The following EPHX2 variants were observed in gnomAD, a reference collection of about 807,000 sequenced individuals.
EPHX2 encodes the protein bifunctional epoxide hydrolase 2.
A neutral mutation model predicts 78.7 loss-of-function variants in EPHX2; 74 were observed. The observed-to-expected ratio is 0.94, with a 90% CI of 0.78 to 1.14. The LOEUF (loss-of-function observed/expected upper bound fraction) is 1.14. EPHX2 is among the 50% of genes most tolerant of loss of function. The pLI, the probability that EPHX2 is intolerant of heterozygous loss-of-function variation, is 0.00. For missense variants in EPHX2, 715 were observed against 702.5 expected (o/e 1.02, Z -0.20); for synonymous variants, 251 against 255.2 (o/e 0.98, Z 0.16).
chr8:27,543,625 G>C, intron 16 of EPHX2, 124 bp from the exon 17 acceptor site: 1 of 896,382 alleles, frequency 1.1e-6, no homozygotes, highest in Non-Finnish European at 1.8e-6. Flanking sequence ...CGAGTCTGTT[G>C]TGCAAAGTTC....
chr8:27,535,426 C>T (rs1265975992), intron 12 of EPHX2, among the ~76,000 whole-genome samples: 2 of 152,204 alleles, frequency 1.3e-5, no homozygotes, highest in East Asian at 1.9e-4. Flanking sequence ...CTGCCTGCCT[C>T]GGCCTCCCAA....
rs1415555157 is a variant in EPHX2 at position 27,515,788 on chromosome 8, A to T, written c.806A>T (p.Glu269Val). 2 of 1,613,778 alleles carry T rather than the reference A, an allele frequency of 1.2e-6. No homozygotes were observed. Among genetic ancestry groups the T allele is most frequent in the African/African-American group, 2.7e-5 (2 of 74,852 alleles). Residue 269 changes from glutamate to valine, a missense_variant, in exon 7 of 19, where the codon GAG becomes GTG. Transcript: ENST00000521400. ...PAVCLCHGFPESWYSWRYQIP... is the reference protein window; with the variant it reads ...PAVCLCHGFPVSWYSWRYQIP... ...GTGTGCCTCTGCCATGGATTTCCCG[A>T]GAGTTGGTATTCTTGGAGGTACCAG...
chr8:27,525,233 G>T, intron 11 of EPHX2, 129 bp from the exon 12 acceptor site: 1 of 743,272 alleles, frequency 1.3e-6, no homozygotes, highest in Non-Finnish European at 2.3e-6. Flanking sequence ...CCCATTCACT[G>T]CTAGTGTATG....
chr8:27,501,392 T>TCTA (rs1813793024), intron 2 of EPHX2, among the ~76,000 whole-genome samples: 2 of 132,546 alleles, frequency 1.5e-5, no homozygotes, highest in South Asian at 4.9e-4. Context: ...TTCTTCTTCT[T>TCTA]CTTTCTTCTT....
chr8:27,527,414 T>C (rs75338331), intron 12 of EPHX2, among the ~76,000 whole-genome samples: 2,475 of 152,316 alleles, frequency 0.016, 63 homozygotes, highest in African/African-American at 0.056. Context: ...ATTGACCATG[T>C]CACCTATTTG....
chr8:27,541,087 G>A (rs1384451489), intron 15 of EPHX2, among the ~76,000 whole-genome samples: 1 of 152,118 alleles, frequency 6.6e-6, no homozygotes, highest in Non-Finnish European at 1.5e-5. Flanking sequence ...CTCTCAAGTG[G>A]GCTCCCTGGG....
chr8:27,532,363 A>C (rs138000729), intron 12 of EPHX2, among the ~76,000 whole-genome samples: 68 of 152,336 alleles, frequency 4.5e-4, no homozygotes, highest in African/African-American at 1.5e-3. Flanking sequence ...TACAAAAGGT[A>C]AGACCGTATC....
chr8:27,514,087 G>A (rs1038467157), intron 6 of EPHX2, among the ~76,000 whole-genome samples: 16 of 152,302 alleles, frequency 1.1e-4, no homozygotes, highest in Middle Eastern at 3.4e-3. Context: ...GGAGGCCAAG[G>A]CAGGAGGATC....
At chr8:27,504,711 G>A (rs1813929947) in intron 3 of EPHX2, among the ~76,000 whole-genome samples, 1 of 152,170 alleles carries the variant, frequency 6.6e-6, no homozygotes, top group Non-Finnish European at 1.5e-5. Context: ...GGAGGAAGGA[G>A]GGTAGTTTCT....
rs774803950 is a variant in EPHX2, at chr8:27,504,991, G to T, written c.382G>T (p.Asp128Tyr). The change falls in exon 4 of 19, where the codon GAC becomes TAC. Residue 128 changes from aspartate (D) to tyrosine (Y), a missense_variant. By Grantham distance (160) the Asp-to-Tyr change is radical. Transcript: ENST00000521400. ...TTAILTNTWL[D>Y]DRAERDGLAQ... ...TGCCATCCTCACCAACACCTGGCTG[G>T]ACGACCGTGCTGAGAGAGATGGCCT... 1.2e-6 allele frequency: 2 copies of T among 1,614,106 alleles called. No homozygotes were observed. The highest frequency in any genetic ancestry group is 2.2e-5 in the East Asian group (1 of 44,878).
intron 6 of EPHX2, among the ~76,000 whole-genome samples, chr8:27,515,201 T>C (rs7838841): frequency 0.039 from 5,929 of 152,258 alleles, 355 homozygotes; most frequent in African/African-American, 0.13. Flanking sequence ...CCCGTTTTTT[T>C]CCTTTTCACC....
chr8:27,525,109 C>CGCGCGCGCGT (rs1563355348), intron 11 of EPHX2, among the ~76,000 whole-genome samples: 1 of 109,622 alleles, frequency 9.1e-6, no homozygotes, highest in African/African-American at 3.7e-5. Context: ...TGTGTGTGTG[C>CGCGCGCGCGT]GCGCGCGCGC....
chr8:27,536,657 T>C (rs1815221855), intron 12 of EPHX2, 127 bp from the exon 13 acceptor site: 1 of 854,140 alleles, frequency 1.2e-6, no homozygotes, highest in Non-Finnish European at 1.9e-6. Context: ...AAATGGATGC[T>C]ATTCTGATGA....
At chr8:27,531,863 C>T (rs1012874820) in intron 12 of EPHX2, among the ~76,000 whole-genome samples, 3 of 152,152 alleles carry the variant, frequency 2.0e-5, no homozygotes, top group African/African-American at 7.2e-5. Context: ...GTTAGGAGGG[C>T]TGAGCACAGG....
At chr8:27,510,233 C>T (rs1469973685) in intron 5 of EPHX2, among the ~76,000 whole-genome samples, 11 of 152,172 alleles carry the variant, frequency 7.2e-5, no homozygotes, top group Admixed American at 6.5e-4. Context: ...CGTTGGGTTA[C>T]GCCTTTAGGA....
chr8:27,497,912 G>A (rs151093309), intron 1 of EPHX2, among the ~76,000 whole-genome samples: 16 of 152,242 alleles, frequency 1.1e-4, no homozygotes, highest in African/African-American at 3.6e-4. Context: ...CTTGTTGACC[G>A]GTAGGGATTT....
intron 2 of EPHX2, among the ~76,000 whole-genome samples, chr8:27,501,373 TTCTTCTTCTTCTTC>T (rs1251920979): frequency 7.5e-5 from 10 of 133,996 alleles, no homozygotes; most frequent in South Asian, 4.8e-4. Flanking sequence ...CTTCTTCTTC[TTCTTCTTCTTCTTC>T]TTCTTCTTTC....
intron 13 of EPHX2, 21 bp from the exon 14 acceptor site, chr8:27,538,636 ACT>A: frequency 6.2e-7 from 1 of 1,604,096 alleles, no homozygotes. Context: ...ATCATTTGTA[ACT>A]CTTTTCTTTT....
intron 5 of EPHX2, among the ~76,000 whole-genome samples, chr8:27,508,319 A>AAAC (rs577047236): frequency 6.6e-6 from 1 of 152,110 alleles, no homozygotes; most frequent in African/African-American, 2.4e-5. Context: ...ACAAACAAAC[A>AAAC]AAAAAGTATT....
Sources: gnomAD v4.1 joint callset for allele counts (sites outside exome capture counted in the v4.1 genomes callset) on GRCh38, gnomAD v4.1.1 for gene constraint, MANE v1.5 for transcripts, NCBI Gene and HGNC (gene_info 2026-07-23, HGNC 2026-07-21) for gene names.